Variants in TCAF2 observed in about 807,000 individuals in gnomAD.
The protein encoded by TCAF2 is TRPM8 channel associated factor 2.
A neutral mutation model predicts 33.9 loss-of-function variants in TCAF2; 6 were observed. The observed-to-expected ratio is 0.18, with a 90% CI of 0.10 to 0.35. The LOEUF (loss-of-function observed/expected upper bound fraction) is 0.35. Among genes scored for constraint, TCAF2 ranks in the 10% least tolerant of loss-of-function variants. The pLI, the probability that TCAF2 is intolerant of heterozygous loss-of-function variation, is 1.00. For synonymous variants in TCAF2, 41 were observed against 247.8 expected (o/e 0.17, Z 7.84); for missense variants, 109 against 604.0 (o/e 0.18, Z 8.59).
At chr7:143,725,422 A>G (rs1371619258) in intron 7 of TCAF2, among the ~76,000 whole-genome samples, 1 of 152,002 alleles carries the variant, frequency 6.6e-6, no homozygotes, top group East Asian at 1.9e-4. Flanking sequence ...TGTCTCCCAC[A>G]GCTCTATGGA....
At chr7:143,718,557 T>C (rs1212403799) in intron 2 of TCAF2, among the ~76,000 whole-genome samples, 1 of 151,602 alleles carries the variant, frequency 6.6e-6, no homozygotes, top group African/African-American at 2.4e-5. Context: ...TAACCATAAT[T>C]TATTTAACCA....
In TCAF2 at chr7:143,720,072, C is replaced by G; in HGVS notation, c.1013C>G (p.Ala338Gly). ...GACTTGTGTGTCTACTGCTGCAAGGCGTACAGTGACAAGGAGGCTAAGCAG... is the reference window on the plus strand; with the variant it reads ...GACTTGTGTGTCTACTGCTGCAAGGGGTACAGTGACAAGGAGGCTAAGCAG... ...NSDLCVYCCK[A>G]YSDKEAKQLQ... The change falls in exon 3 of 8, where the codon GCG (alanine) becomes GGG (glycine). Residue 338 changes from alanine (A) to glycine (G), a missense_variant. Ala to Gly is a moderately conservative substitution (Grantham distance 60). Coordinates refer to ENST00000684770, the MANE Select transcript of TCAF2 (RefSeq NM_001363538.2). 1 of 1,604,064 alleles carries G rather than the reference C, an allele frequency of 6.2e-7. No individual in the cohort carries two copies. Among genetic ancestry groups the G allele is most frequent in the Non-Finnish European group, 8.5e-7 (1 of 1,176,532 alleles).
chr7:143,718,404 T>A (rs77950085), intron 2 of TCAF2, among the ~76,000 whole-genome samples: 7 of 151,126 alleles, frequency 4.6e-5, no homozygotes, highest in Admixed American at 1.3e-4. Context: ...GTCTGGTTTC[T>A]TGGTTTTTTA....
Position 143,728,132 on chromosome 7 carries a change from C to G in TCAF2, c.*465C>G, listed in dbSNP as rs2116538899. 5 of 197,288 alleles carry G rather than the reference C, an allele frequency of 2.5e-5. No individual in the cohort carries two copies. The South Asian group carries it at 4.5e-4, about 18-fold the overall frequency. 12.2% of individuals were successfully genotyped at this position (197,288 alleles called of 1,614,324 possible). ...CCAGCTTTGGTTCTATGGAAAATCA[C>G]TCCACCTCTCTGTGTTTCTGTCTTC... On this transcript the variant is annotated 3_prime_UTR_variant, in exon 8 of 8. Coordinates refer to ENST00000684770, the MANE Select transcript of TCAF2 (RefSeq NM_001363538.2).
At chr7:143,648,160 G>A (rs1488901998) in intron 1 of TCAF2, among the ~76,000 whole-genome samples, 11 of 104,776 alleles carry the variant, frequency 1.0e-4, no homozygotes, top group Admixed American at 6.9e-4. Flanking sequence ...CTTGTGATCC[G>A]CCAGCCTCAG....
chr7:143,703,395 C>G lies in TCAF2; in HGVS notation c.401C>G (p.Thr134Ser), dbSNP rs755371247. 2 of 382,858 alleles carry G rather than the reference C, an allele frequency of 5.2e-6. No homozygotes were observed. The highest frequency in any genetic ancestry group is 7.5e-6 in the Non-Finnish European group (2 of 265,352). 23.7% of individuals were successfully genotyped at this position (382,858 alleles called of 1,614,324 possible). The stretch of plus-strand genomic sequence containing the variant: ...TACTGTATCAATGCCTACAATGACA[C>G]CTTGACTGCAACGCTGATCCAGTTT... ...GVYCINAYNDTLTATLIQFVK... is the reference protein window; with the variant it reads ...GVYCINAYNDSLTATLIQFVK... The change falls in exon 2 of 8, where the codon ACC becomes AGC. Residue 134 changes from threonine (T) to serine (S), a missense_variant. Physicochemically the swap from Thr to Ser is moderately conservative, Grantham distance 58 (BLOSUM62 1). Coordinates refer to ENST00000684770, the MANE Select transcript of TCAF2 (RefSeq NM_001363538.2).
At chr7:143,648,472 A>G (rs375385039) in intron 1 of TCAF2, among the ~76,000 whole-genome samples, 2 of 141,584 alleles carry the variant, frequency 1.4e-5, no homozygotes, top group African/African-American at 5.1e-5. Flanking sequence ...AGAAAGTAGT[A>G]CTGCTTATGA....
At chr7:143,624,061 C>A (rs781107985) in intron 1 of TCAF2, 2 of 571,784 alleles carry the variant, frequency 3.5e-6, no homozygotes, top group Non-Finnish European at 4.8e-6. Context: ...CGTGGGAGTG[C>A]GTCCATCCCT....
At position 143,724,574 on chromosome 7, in the gene TCAF2, C is replaced by A. The variant is rs532360687; in HGVS notation, c.2382C>A (p.Pro794=). The change falls in exon 7 of 8, where the codon CCC becomes CCA. Residue 794 remains proline (P), a synonymous_variant. Coordinates refer to ENST00000684770, the MANE Select transcript of TCAF2 (RefSeq NM_001363538.2). ...VYVHETVLGI[P]RAQAHEALSP... is the part of the protein sequence containing the mutation. Reference sequence around the variant, plus strand: ...TGCATGAAACAGTCCTGGGGATCCCCAGGGCTCAGGCCCACGAGGCTCTGA... The same window carrying A: ...TGCATGAAACAGTCCTGGGGATCCCAAGGGCTCAGGCCCACGAGGCTCTGA... The A allele has an allele frequency of 1.2e-6, 2 of 1,610,972 alleles. No individual in the cohort carries two copies. The highest frequency in any genetic ancestry group is 2.7e-5 in the African/African-American group (2 of 74,598).
rs570087785 is a variant in TCAF2 at position 143,728,822 on chromosome 7, A to T, written c.*1155A>T. 23 of 152,236 alleles carry T rather than the reference A, an allele frequency of 1.5e-4. No homozygotes were observed. The highest frequency in any genetic ancestry group is 5.5e-4 in the African/African-American group (23 of 41,536). The allele number at this position is 152,236 out of a possible 1,614,324, so 9.4% of individuals were successfully genotyped here. A position where few individuals can be genotyped will look rare whatever the true frequency, so the allele number is the denominator to read the frequency against. On this transcript the variant is annotated 3_prime_UTR_variant, in exon 8 of 8. Coordinates refer to ENST00000684770, the MANE Select transcript of TCAF2 (RefSeq NM_001363538.2). ...TTCGGTTAGAGGGAGTTCTCATTGG[A>T]GATTTGTCTCTGGGATTAATGAGTG...
chr7:143,729,113 C>A lies in TCAF2; in HGVS notation c.*1446C>A, dbSNP rs559107076. ...TCAAAGGAAAGAACAGTAATGACAC[C>A]TAACACATAATGAGTGATTAGTATG... is the stretch of plus-strand genomic sequence containing the variant. On this transcript the variant is annotated 3_prime_UTR_variant, in exon 8 of 8. Coordinates refer to ENST00000684770, the MANE Select transcript of TCAF2 (RefSeq NM_001363538.2). The A allele has an allele frequency of 6.6e-6, 1 of 152,278 alleles. No individual in the cohort carries two copies. The highest frequency in any genetic ancestry group is 2.1e-4 in the South Asian group (1 of 4,818). The allele number at this position is 152,278 out of a possible 1,614,324, so 9.4% of individuals were successfully genotyped here.
intron 1 of TCAF2, among the ~76,000 whole-genome samples, chr7:143,635,127 C>G (rs1049554067): frequency 1.9e-5 from 1 of 52,398 alleles, no homozygotes; most frequent in African/African-American, 6.9e-5. Flanking sequence ...AAAAACAAAA[C>G]AAGCTAAGTG....
rs1246913299 is a variant in TCAF2 at position 143,728,782 on chromosome 7, A to G, written c.*1115A>G. The G allele has an allele frequency of 6.6e-6, 1 of 152,222 alleles. No homozygotes were observed. Among genetic ancestry groups the G allele is most frequent in the Non-Finnish European group, 1.5e-5 (1 of 68,062 alleles). The allele number at this position is 152,222 out of a possible 1,614,324, so 9.4% of individuals were successfully genotyped here. On this transcript the variant is annotated 3_prime_UTR_variant, in exon 8 of 8. Coordinates refer to ENST00000684770, the MANE Select transcript of TCAF2 (RefSeq NM_001363538.2). Reference sequence around the variant, plus strand: ...CTGAGCTTTCTCTTAATCTCATTCTAGCCCATCTTGACTCTTCGGTTAGAG... The same window carrying G: ...CTGAGCTTTCTCTTAATCTCATTCTGGCCCATCTTGACTCTTCGGTTAGAG...
chr7:143,647,886 G>T, intron 1 of TCAF2, among the ~76,000 whole-genome samples: 1 of 145,132 alleles, frequency 6.9e-6, no homozygotes, highest in African/African-American at 2.5e-5. Flanking sequence ...GCAATGTTTA[G>T]TCTTTCTTTC....
At position 143,724,611 on chromosome 7, in the gene TCAF2, C is replaced by A. The variant is rs367637603; in HGVS notation, c.2419C>A (p.Arg807=). 1 of 1,610,766 alleles carries A rather than the reference C, an allele frequency of 6.2e-7. No individual in the cohort carries two copies. The highest frequency in any genetic ancestry group is 1.1e-5 in the South Asian group (1 of 90,934). Reference sequence around the variant, plus strand: ...CCACGAGGCTCTGAGCCCTCCAGAGCGAGAGAGGAGAATCAAGGCCCACCT... The same window carrying A: ...CCACGAGGCTCTGAGCCCTCCAGAGAGAGAGAGGAGAATCAAGGCCCACCT... ...QAHEALSPPE[R]ERRIKAHLGK... The change falls in exon 7 of 8, where the codon CGA becomes AGA. Residue 807 remains arginine, a synonymous_variant. Coordinates refer to ENST00000684770, the MANE Select transcript of TCAF2 (RefSeq NM_001363538.2).
Position 143,730,369 on chromosome 7 carries a change from C to CT in TCAF2, c.*2709dup, listed in dbSNP as rs1238773116. On this transcript the variant is annotated 3_prime_UTR_variant, in exon 8 of 8. Transcript: ENST00000684770. ...TTCCCTAATGACCAGTAATGATGAG[C>CT]TTTTTTTCATGTTTATTGGCCACAT... is the stretch of plus-strand genomic sequence containing the variant. The CT allele has an allele frequency of 1.3e-5, 2 of 152,086 alleles. No individual in the cohort carries two copies. Among genetic ancestry groups the CT allele is most frequent in the African/African-American group, 4.8e-5 (2 of 41,422 alleles). The allele number at this position is 152,086 out of a possible 1,614,324, so 9.4% of individuals were successfully genotyped here. A position where few individuals can be genotyped will look rare whatever the true frequency, so the allele number is the denominator to read the frequency against.
rs757355702 is a variant in TCAF2, at chr7:143,703,242, G to A, written c.248G>A (p.Ser83Asn). 6.8e-6 allele frequency: 10 copies of A among 1,478,630 alleles called. No individual in the cohort carries two copies. Among genetic ancestry groups the A allele is most frequent in the Non-Finnish European group, 8.9e-6 (10 of 1,123,574 alleles). 91.6% of individuals were successfully genotyped at this position (1,478,630 alleles called of 1,614,324 possible). The part of the protein sequence containing the change: ...GLAPFLLNAV[S>N]WLCPCPGAPV... ...GCTCCATTTCTCCTCAATGCAGTGAGCTGGCTCTGTCCCTGTCCTGGGGCT... is the reference window on the plus strand; with the variant it reads ...GCTCCATTTCTCCTCAATGCAGTGAACTGGCTCTGTCCCTGTCCTGGGGCT... The change falls in exon 2 of 8, where the codon AGC becomes AAC. Residue 83 changes from serine to asparagine, a missense_variant. Transcript: ENST00000684770.
At chr7:143,720,967 A>AT in intron 3 of TCAF2, 1 of 318,740 alleles carries the variant, frequency 3.1e-6, no homozygotes, top group Non-Finnish European at 5.6e-6. Context: ...TTTAGTAGAG[A>AT]GGGAGTTTCA....
At chr7:143,641,312 GA>G (rs1808993386) in intron 1 of TCAF2, among the ~76,000 whole-genome samples, 1 of 56,526 alleles carries the variant, frequency 1.8e-5, no homozygotes, top group Non-Finnish European at 4.5e-5. Flanking sequence ...CATTATTTTG[GA>G]AGGAGTGTAA....
Sources: allele counts gnomAD v4.1 joint callset (sites outside exome capture counted in the v4.1 genomes callset), GRCh38; gene constraint gnomAD v4.1.1; transcripts MANE v1.5; gene names NCBI Gene and HGNC (gene_info 2026-07-23, HGNC 2026-07-21).